SI: variants seen among roughly 807,000 people sequenced by gnomAD.
The protein encoded by SI is sucrase-isomaltase, intestinal.
A neutral mutation model predicts 253.3 loss-of-function variants in SI; 235 were observed. The ratio of observed to expected loss-of-function variants is 0.93; its 90% CI spans 0.83 to 1.03. The LOEUF is 1.03. Ranked by LOEUF, SI falls within the 50% of genes least tolerant of loss-of-function variation. The probability of loss-of-function intolerance (pLI) is 0.00; values close to 1 mark genes in which losing one functional copy is unlikely to be tolerated. For missense variants in SI, 2,442 were observed against 2,211.1 expected, an observed-to-expected ratio of 1.10 and a Z score of -2.09; for synonymous variants, 819 against 712.0, an observed-to-expected ratio of 1.15 and a Z score of -2.39.
chr3:165,059,121 T>C (rs776886991), intron 11 of SI, 39 bp from the exon 12 acceptor site: 1 of 1,541,684 alleles, frequency 6.5e-7, no homozygotes, highest in Non-Finnish European at 8.7e-7. Flanking sequence ...TCTATTAACT[T>C]ACACGTGTAA....
At chr3:165,057,285 ACAGT>A (rs1341981744) in intron 12 of SI, among the ~76,000 whole-genome samples, 1 of 151,900 alleles carries the variant, frequency 6.6e-6, no homozygotes, top group Non-Finnish European at 1.5e-5. Context: ...TTGAAAATAC[ACAGT>A]CAGAGGAGAC....
chr3:164,983,063 GAA>G lies in SI; in HGVS notation c.5198-14_5198-13del. The G allele has an allele frequency of 1.3e-6, 2 of 1,536,550 alleles. No individual in the cohort carries two copies. Among genetic ancestry groups the G allele is most frequent in the Non-Finnish European group, 1.8e-6 (2 of 1,119,914 alleles). On this transcript the variant is annotated splice_polypyrimidine_tract_variant and intron_variant, in intron 45 of 47. Coordinates refer to ENST00000264382, the MANE Select transcript of SI (RefSeq NM_001041.4). ...TCTTTCATAGGTGTCTGTAGAGAGAGAAAAAAAATGTGATATATTGTTATTTC... is the reference window on the plus strand; with the variant it reads ...TCTTTCATAGGTGTCTGTAGAGAGAGAAAAAATGTGATATATTGTTATTTC...
chr3:165,062,592 T>C, intron 8 of SI, 109 bp from the exon 9 acceptor site: 1 of 644,946 alleles, frequency 1.6e-6, no homozygotes, highest in Non-Finnish European at 2.8e-6. Context: ...TTTTACAATA[T>C]GTTTAAATAA....
upstream of SI, among the ~76,000 whole-genome samples, chr3:165,082,497 A>C (rs1234290385): frequency 2.0e-5 from 3 of 151,914 alleles, no homozygotes; most frequent in Non-Finnish European, 4.4e-5. Context: ...CGGAGAACCA[A>C]ATTTCTTAAC....
chr3:165,017,659 T>G lies in SI; in HGVS notation c.3648A>C (p.Pro1216=), dbSNP rs1719101586. The part of the protein sequence containing the change: ...TKQYHEVIGH[P]VMPAYWALGF... ...CCAAAGCCCAATAAGCTGGCATGACTGGATGGCCAATTACCTTTAAAAAAA... is the reference window on the plus strand; with the variant it reads ...CCAAAGCCCAATAAGCTGGCATGACGGGATGGCCAATTACCTTTAAAAAAA... The change falls in exon 31 of 48, where the codon CCA becomes CCC. Residue 1216 remains proline, a synonymous_variant. Transcript: ENST00000264382. 6.2e-7 allele frequency: 1 copy of G among 1,612,714 alleles called. No homozygotes were observed. Among genetic ancestry groups the G allele is most frequent in the Non-Finnish European group, 8.5e-7 (1 of 1,179,144 alleles).
chr3:165,056,287 C>T (rs939793370), intron 12 of SI, among the ~76,000 whole-genome samples: 8 of 151,984 alleles, frequency 5.3e-5, no homozygotes, highest in South Asian at 2.1e-4. Context: ...AAGACTTTCA[C>T]GGGAAACTTT....
chr3:165,029,535 T>C (rs1024019583), intron 25 of SI, among the ~76,000 whole-genome samples: 2 of 136,604 alleles, frequency 1.5e-5, no homozygotes, highest in African/African-American at 2.5e-5. Context: ...AAACCAAATG[T>C]TCACCAATCA....
At chr3:165,038,122 G>T in intron 20 of SI, 98 bp from the exon 21 acceptor site, 2 of 1,120,130 alleles carry the variant, frequency 1.8e-6, no homozygotes, top group Non-Finnish European at 2.7e-6. Context: ...AGCAATTCAT[G>T]TCATCCAAAT....
chr3:165,052,907 ATCT>A (rs1454847720), intron 13 of SI, among the ~76,000 whole-genome samples: 1 of 152,052 alleles, frequency 6.6e-6, no homozygotes, highest in East Asian at 1.9e-4. Flanking sequence ...ATTTGGGCAT[ATCT>A]TCTTATAAAA....
chr3:164,983,089 T>C, intron 45 of SI, 38 bp from the exon 46 acceptor site: 1 of 1,521,172 alleles, frequency 6.6e-7, no homozygotes, highest in African/African-American at 1.4e-5. Flanking sequence ...TATTGTTATT[T>C]CCAAAGAAGA....
At chr3:164,985,803 A>G (rs2108114535) in intron 45 of SI, among the ~76,000 whole-genome samples, 1 of 152,176 alleles carries the variant, frequency 6.6e-6, no homozygotes, top group African/African-American at 2.4e-5. Flanking sequence ...CAGAATAAAA[A>G]TCTCCTATGG....
At chr3:165,057,892 CAACA>C (rs1426257705) in intron 12 of SI, among the ~76,000 whole-genome samples, 2 of 151,852 alleles carry the variant, frequency 1.3e-5, no homozygotes, top group African/African-American at 4.8e-5. Context: ...GACAGAAAAC[CAACA>C]AAGAAACATT....
At chr3:165,044,771 T>G (rs1411421449) in intron 16 of SI, among the ~76,000 whole-genome samples, 1 of 152,016 alleles carries the variant, frequency 6.6e-6, no homozygotes, top group African/African-American at 2.4e-5. Flanking sequence ...AATTTATGTA[T>G]GTTTCTCTTA....
At position 165,070,975 on chromosome 3, in the gene SI, C is replaced by T. The variant is rs554873190; in HGVS notation, c.256-1780G>A. 1.4e-3 allele frequency among the ~76,000 whole-genome samples: 216 copies of T among 152,116 alleles called. 2 individuals carry two copies. Among genetic ancestry groups the T allele is most frequent in the African/African-American group, 5.1e-3 (211 of 41,530 alleles). ...TCCTTGGCATTCCTTGGCTTATAGGCGCCTTTTTCCAATTTTTGCTTCCAT... is the reference window on the plus strand; with the variant it reads ...TCCTTGGCATTCCTTGGCTTATAGGTGCCTTTTTCCAATTTTTGCTTCCAT... On this transcript the variant is annotated intron_variant, in intron 3 of 47. Transcript: ENST00000264382.
rs544446301 is a variant in SI at position 165,018,269 on chromosome 3, AAT to A, written c.3424-205_3424-204del. Among the ~76,000 whole-genome samples the A allele has an allele frequency of 1.6e-3, 237 of 151,302 alleles. 1 individual carries two copies. Among genetic ancestry groups the A allele is most frequent in the African/African-American group, 5.3e-3 (218 of 41,460 alleles). Reference sequence around the variant, plus strand: ...TTTTTCTGCTTTCGTGCAGTTTACAAATATGTTTCTATAATATTTGTATATTA... The same window carrying A: ...TTTTTCTGCTTTCGTGCAGTTTACAAATGTTTCTATAATATTTGTATATTA... On this transcript the variant is annotated intron_variant, in intron 28 of 47. Transcript: ENST00000264382.
At chr3:165,045,676 CTTTCTT>C (rs1430346512) in intron 16 of SI, among the ~76,000 whole-genome samples, 4 of 151,462 alleles carry the variant, frequency 2.6e-5, no homozygotes, top group African/African-American at 4.8e-5. Context: ...TTCAGCGTTT[CTTTCTT>C]TTTAAGTATT....
At chr3:164,999,564 G>T (rs1230290333) in intron 37 of SI, among the ~76,000 whole-genome samples, 1 of 151,638 alleles carries the variant, frequency 6.6e-6, no homozygotes, top group Admixed American at 6.6e-5. Flanking sequence ...TAATTAGGCA[G>T]ACTTTACTGG....
chr3:165,013,072 T>C (rs1373408958), intron 33 of SI, 30 bp from the exon 34 acceptor site: 1 of 1,402,104 alleles, frequency 7.1e-7, no homozygotes, highest in Non-Finnish European at 1.0e-6. Context: ...GAAAAGCTGA[T>C]CAAAACATAG....
At position 165,062,428 on chromosome 3, in the gene SI, C is replaced by T. The variant is rs562469691; in HGVS notation, c.963G>A (p.Leu321=). The T allele has an allele frequency of 8.4e-4, 1,350 of 1,606,576 alleles. 15 individuals are homozygous for T. In the South Asian group the frequency reaches 0.014, roughly 17 times the overall value. The change falls in exon 9 of 48, where the codon CTG becomes CTA. Residue 321 remains leucine (L), a synonymous_variant. Coordinates refer to ENST00000264382, the MANE Select transcript of SI (RefSeq NM_001041.4). ...TATCTCCTAGAAGGATGTAAAAATC[C>T]AGAATGCCACCGGTAACTCTATATG... ...IVTYRVTGGI[L]DFYILLGDTP...
Sources: allele counts gnomAD v4.1 joint callset (sites outside exome capture counted in the v4.1 genomes callset), GRCh38; gene constraint gnomAD v4.1.1; transcripts MANE v1.5; gene names NCBI Gene and HGNC (gene_info 2026-07-23, HGNC 2026-07-21).